CTNNA3: variants seen among roughly 807,000 people sequenced by gnomAD.
CTNNA3 encodes catenin alpha-3.
A neutral mutation model predicts 95.7 loss-of-function variants in CTNNA3; 76 were observed. The observed-to-expected ratio is 0.79, with a 90% CI of 0.66 to 0.96. The LOEUF is 0.96. CTNNA3 is among the 40% of genes least tolerant of loss of function. The pLI is 0.00. For missense variants in CTNNA3, 1,191 were observed against 1,089.8 expected (o/e 1.09, Z -1.31); for synonymous variants, 431 against 374.4 (o/e 1.15, Z -1.74).
chr10:66,306,695 G>A (rs150218739), intron 12 of CTNNA3, among the ~76,000 whole-genome samples: 115 of 152,206 alleles, frequency 7.6e-4, no homozygotes, highest in Middle Eastern at 6.8e-3. Context: ...CTTACGCTCT[G>A]CAAAAAATGT....
intron 7 of CTNNA3, among the ~76,000 whole-genome samples, chr10:66,948,435 C>T (rs1013249399): frequency 3.3e-5 from 5 of 152,254 alleles, no homozygotes; most frequent in Middle Eastern, 3.4e-3. Context: ...CATGGAGATG[C>T]GTTTTTAAGA....
intron 13 of CTNNA3, among the ~76,000 whole-genome samples, chr10:66,116,079 G>A (rs879226874): frequency 6.6e-6 from 1 of 152,120 alleles, no homozygotes; most frequent in African/African-American, 2.4e-5. Context: ...CAACACCTAA[G>A]GAAGAATTAT....
chr10:67,254,896 A>T (rs1297497413), intron 5 of CTNNA3, among the ~76,000 whole-genome samples: 2 of 152,220 alleles, frequency 1.3e-5, no homozygotes, highest in African/African-American at 4.8e-5. Context: ...ATTTCTCACA[A>T]GTATCTACAT....
intron 13 of CTNNA3, among the ~76,000 whole-genome samples, chr10:66,174,269 A>G (rs2085591224): frequency 6.6e-6 from 1 of 152,156 alleles, no homozygotes; most frequent in Non-Finnish European, 1.5e-5. Context: ...CATTTTGGAA[A>G]AAGTTTGGAA....
chr10:66,490,038 G>C (rs990037614), intron 11 of CTNNA3, among the ~76,000 whole-genome samples: 1 of 152,110 alleles, frequency 6.6e-6, no homozygotes. Context: ...AGTTTCTATC[G>C]AGTGGGAATT....
chr10:67,019,776 T>A (rs1033231025), intron 7 of CTNNA3, among the ~76,000 whole-genome samples: 1 of 152,134 alleles, frequency 6.6e-6, no homozygotes, highest in African/African-American at 2.4e-5. Flanking sequence ...ACCCTGTTTG[T>A]CCTATTTGAC....
At chr10:66,480,035 C>A (rs527527531) in intron 11 of CTNNA3, among the ~76,000 whole-genome samples, 1 of 151,766 alleles carries the variant, frequency 6.6e-6, no homozygotes, top group Non-Finnish European at 1.5e-5. Context: ...AGCTAATGAA[C>A]TGAAATCTAA....
chr10:66,951,039 G>T (rs1041695905), intron 7 of CTNNA3, among the ~76,000 whole-genome samples: 2 of 151,350 alleles, frequency 1.3e-5, no homozygotes, highest in African/African-American at 4.9e-5. Flanking sequence ...TTGCCTTGCT[G>T]CACTGTATTT....
At chr10:67,664,385 G>A (rs1210718325) in intron 1 of CTNNA3, among the ~76,000 whole-genome samples, 1 of 152,104 alleles carries the variant, frequency 6.6e-6, no homozygotes, top group Admixed American at 6.6e-5. Context: ...ACCAAAACAC[G>A]AGTGACATTT....
chr10:67,564,259 A>G (rs1841661019), intron 3 of CTNNA3, among the ~76,000 whole-genome samples: 1 of 149,742 alleles, frequency 6.7e-6, no homozygotes. Context: ...TCCAACAATG[A>G]TAGACTGGAT....
intron 13 of CTNNA3, among the ~76,000 whole-genome samples, chr10:66,231,434 C>A (rs2089585484): frequency 6.6e-6 from 1 of 151,808 alleles, no homozygotes; most frequent in South Asian, 2.1e-4. Context: ...TTGAAATATT[C>A]TAATATCTAG....
intron 3 of CTNNA3, among the ~76,000 whole-genome samples, chr10:67,576,581 T>A (rs923558633): frequency 6.6e-6 from 1 of 150,532 alleles, no homozygotes; most frequent in East Asian, 2.0e-4. Context: ...TACTTTAAAT[T>A]TTAGGGTACA....
intron 1 of CTNNA3, among the ~76,000 whole-genome samples, chr10:67,726,551 T>TATATA (rs1265450799): frequency 5.6e-5 from 4 of 71,128 alleles, no homozygotes; most frequent in African/African-American, 2.4e-4. Context: ...TATTACATAT[T>TATATA]ATATAATATA....
Position 65,943,198 on chromosome 10 carries a change from G to A in CTNNA3, c.2401-22581C>T, listed in dbSNP as rs543148335. Among the ~76,000 whole-genome samples, 4 of 151,920 alleles carry A rather than the reference G, an allele frequency of 2.6e-5. No homozygotes were observed. The East Asian group carries it at 7.8e-4, about 29-fold the overall frequency. Reference sequence around the variant, plus strand: ...TCTGCCTCAGCTTCCCAAGTAGCTGGGACTACAGGCGCCCACCACCGTGCC... The same window carrying A: ...TCTGCCTCAGCTTCCCAAGTAGCTGAGACTACAGGCGCCCACCACCGTGCC... On this transcript the variant is annotated intron_variant, in intron 17 of 17. Coordinates refer to ENST00000433211, the MANE Select transcript of CTNNA3 (RefSeq NM_013266.4).
intron 10 of CTNNA3, among the ~76,000 whole-genome samples, chr10:66,584,672 T>C (rs1338426760): frequency 6.6e-6 from 1 of 151,966 alleles, no homozygotes; most frequent in African/African-American, 2.4e-5. Flanking sequence ...AAGTGGAGCA[T>C]TTAGACCAGT....
chr10:66,751,142 C>T (rs1057188572), intron 9 of CTNNA3, among the ~76,000 whole-genome samples: 1 of 152,000 alleles, frequency 6.6e-6, no homozygotes, highest in African/African-American at 2.4e-5. Context: ...GTGGTGCATG[C>T]CTGTAATCCC....
chr10:67,702,916 A>G (rs1841052612), intron 1 of CTNNA3, among the ~76,000 whole-genome samples: 1 of 152,210 alleles, frequency 6.6e-6, no homozygotes, highest in South Asian at 2.1e-4. Context: ...AGAATCAAAT[A>G]GACGCAATAA....
chr10:66,405,585 A>G (rs1292823509), intron 11 of CTNNA3, among the ~76,000 whole-genome samples: 2 of 152,058 alleles, frequency 1.3e-5, no homozygotes, highest in Non-Finnish European at 2.9e-5. Flanking sequence ...TAAGAATCCT[A>G]TATATCTTTC....
At chr10:67,462,622 A>G (rs1237956087) in intron 5 of CTNNA3, among the ~76,000 whole-genome samples, 1 of 152,194 alleles carries the variant, frequency 6.6e-6, no homozygotes, top group African/African-American at 2.4e-5. Flanking sequence ...TCCCTGGACC[A>G]ATCTATTGTG....
Sources: gnomAD v4.1 joint callset for allele counts (sites outside exome capture counted in the v4.1 genomes callset) on GRCh38, gnomAD v4.1.1 for gene constraint, MANE v1.5 for transcripts, NCBI Gene and HGNC (gene_info 2026-07-23, HGNC 2026-07-21) for gene names.